The following PACRG variants were observed in gnomAD, a reference collection of about 807,000 sequenced individuals.
The protein encoded by PACRG is parkin coregulated gene protein.
A neutral mutation model predicts 29.7 loss-of-function variants in PACRG; 29 were observed. That is an observed-to-expected ratio of 0.98 (90% CI 0.73 to 1.33). The LOEUF is 1.33. Ranked by LOEUF, PACRG falls within the 40% of genes most tolerant of loss-of-function variation. The pLI, the probability that PACRG is intolerant of heterozygous loss-of-function variation, is 0.00. For missense variants in PACRG, 279 were observed against 316.2 expected (o/e 0.88, Z 0.89); for synonymous variants, 116 against 118.7 (o/e 0.98, Z 0.15).
At chr6:163,068,022 A>G (rs1336807607) in intron 3 of PACRG, among the ~76,000 whole-genome samples, 1 of 152,218 alleles carries the variant, frequency 6.6e-6, no homozygotes, top group Non-Finnish European at 1.5e-5. Context: ...TTCATCTGAA[A>G]TTAATTTTAT....
chr6:162,899,820 T>C (rs1353363156), intron 2 of PACRG, among the ~76,000 whole-genome samples: 2 of 152,156 alleles, frequency 1.3e-5, no homozygotes, highest in African/African-American at 4.8e-5. Context: ...CTTACGTTTA[T>C]TGAGGTATTT....
chr6:162,877,308 C>G (rs1234612242), intron 2 of PACRG, among the ~76,000 whole-genome samples: 1 of 151,992 alleles, frequency 6.6e-6, no homozygotes, highest in African/African-American at 2.4e-5. Flanking sequence ...AGCCAGAAAC[C>G]ATCATTCTCA....
chr6:162,851,061 T>C (rs1014714076), intron 2 of PACRG, among the ~76,000 whole-genome samples: 1 of 152,248 alleles, frequency 6.6e-6, no homozygotes, highest in East Asian at 1.9e-4. Flanking sequence ...CAGCATTTTC[T>C]GTGTTGACTG....
intron 2 of PACRG, among the ~76,000 whole-genome samples, chr6:162,989,118 G>T (rs780388337): frequency 6.6e-6 from 1 of 152,102 alleles, no homozygotes; most frequent in Non-Finnish European, 1.5e-5. Context: ...AGAGAAGGGG[G>T]CAGATTAAGA....
At chr6:162,812,007 A>G (rs1786912588) in intron 1 of PACRG, among the ~76,000 whole-genome samples, 2 of 152,174 alleles carry the variant, frequency 1.3e-5, no homozygotes, top group Non-Finnish European at 2.9e-5. Flanking sequence ...CCAATTCCAA[A>G]GGGTTACATG....
chr6:162,841,891 T>C (rs1407545984), intron 2 of PACRG, among the ~76,000 whole-genome samples: 2 of 151,428 alleles, frequency 1.3e-5, no homozygotes, highest in African/African-American at 4.8e-5. Context: ...TCAGTTTCCA[T>C]GTAGTTGAGC....
At chr6:162,899,410 T>C (rs949088249) in intron 2 of PACRG, among the ~76,000 whole-genome samples, 3 of 152,104 alleles carry the variant, frequency 2.0e-5, no homozygotes, top group Non-Finnish European at 4.4e-5. Flanking sequence ...CTAGGATCTG[T>C]GTGGCTACCG....
chr6:162,929,092 C>G (rs1010621710), intron 2 of PACRG, among the ~76,000 whole-genome samples: 1 of 151,990 alleles, frequency 6.6e-6, no homozygotes, highest in African/African-American at 2.4e-5. Context: ...ATACAGATAT[C>G]TCTTTAATAT....
chr6:163,224,706 A>G (rs920799235), intron 4 of PACRG, among the ~76,000 whole-genome samples: 4 of 152,210 alleles, frequency 2.6e-5, no homozygotes, highest in African/African-American at 9.6e-5. Flanking sequence ...AGATTTAAAT[A>G]TAAGAGTTGG....
chr6:162,781,568 A>G (rs1020064954), intron 1 of PACRG, among the ~76,000 whole-genome samples: 2 of 151,910 alleles, frequency 1.3e-5, no homozygotes, highest in Non-Finnish European at 2.9e-5. Flanking sequence ...TTACAATGTA[A>G]TAAGGTTCAT....
intron 4 of PACRG, among the ~76,000 whole-genome samples, chr6:163,167,714 A>C (rs959392260): frequency 3.4e-4 from 51 of 152,238 alleles, no homozygotes; most frequent in Admixed American, 6.5e-4. Flanking sequence ...TTGTCATAGA[A>C]TCAAGGGCTA....
chr6:163,042,147 G>T (rs556545707), intron 2 of PACRG, among the ~76,000 whole-genome samples: 10 of 152,316 alleles, frequency 6.6e-5, no homozygotes, highest in African/African-American at 2.4e-4. Context: ...TTACAGGCTT[G>T]AGCCATGCGC....
intron 4 of PACRG, among the ~76,000 whole-genome samples, chr6:163,207,785 T>C (rs1780967151): frequency 1.3e-5 from 2 of 152,176 alleles, no homozygotes; most frequent in African/African-American, 4.8e-5. Context: ...TCCATAAGTG[T>C]CTCTTATAAT....
chr6:162,902,458 A>G (rs1419998932), intron 2 of PACRG, among the ~76,000 whole-genome samples: 1 of 152,218 alleles, frequency 6.6e-6, no homozygotes. Context: ...ATAACATTCT[A>G]CATTATATTT....
chr6:162,823,863 G>A (rs938287663), intron 2 of PACRG, among the ~76,000 whole-genome samples: 1 of 152,020 alleles, frequency 6.6e-6, no homozygotes, highest in South Asian at 2.1e-4. Flanking sequence ...ATCCATTACT[G>A]CCACCAGTTC....
chr6:162,987,393 G>T (rs1802995549), intron 2 of PACRG, among the ~76,000 whole-genome samples: 1 of 152,142 alleles, frequency 6.6e-6, no homozygotes. Context: ...GATATGGTTT[G>T]GCTATGTCCC....
rs545687726 is a variant in PACRG at position 162,844,585 on chromosome 6, C to T, written c.291+30304C>T. 2.7e-4 allele frequency among the ~76,000 whole-genome samples: 41 copies of T among 152,340 alleles called. No homozygotes were observed. In the East Asian group the frequency reaches 4.8e-3, roughly 18 times the overall value. ...GTCGCTCACGCTGGGAGCTGTAGAC[C>T]GGAGCTGTTCCTATTGCGCCATCTT... is the stretch of plus-strand genomic sequence containing the variant. On this transcript the variant is annotated intron_variant, in intron 2 of 4. Transcript: ENST00000366888.
chr6:162,874,917 AT>A (rs1265809616), intron 2 of PACRG, among the ~76,000 whole-genome samples: 4 of 152,076 alleles, frequency 2.6e-5, no homozygotes, highest in Non-Finnish European at 4.4e-5. Context: ...ACAGTTACAC[AT>A]TCATATACAC....
At chr6:163,171,727 G>A (rs1779096369) in intron 4 of PACRG, among the ~76,000 whole-genome samples, 1 of 152,216 alleles carries the variant, frequency 6.6e-6, no homozygotes, top group Non-Finnish European at 1.5e-5. Context: ...ACAGAGGACT[G>A]AAAAGAGGAG....
Sources: allele counts gnomAD v4.1 joint callset (sites outside exome capture counted in the v4.1 genomes callset), GRCh38; gene constraint gnomAD v4.1.1; transcripts MANE v1.5; gene names NCBI Gene and HGNC (gene_info 2026-07-23, HGNC 2026-07-21).